The following TMEM232 variants were observed in gnomAD, a reference collection of about 807,000 sequenced individuals.
TMEM232 encodes the protein transmembrane protein 232.
TMEM232 carries 80 observed loss-of-function variants against 78.8 expected under a neutral mutation model. The ratio of observed to expected loss-of-function variants is 1.01; its 90% CI spans 0.85 to 1.22. The LOEUF (loss-of-function observed/expected upper bound fraction) is 1.22. TMEM232 is among the 50% of genes most tolerant of loss of function. TMEM232 has a pLI of 0.00. For missense variants in TMEM232, 881 were observed against 742.2 expected (o/e 1.19, Z -2.17); for synonymous variants, 297 against 254.3 (o/e 1.17, Z -1.60).
chr5:110,407,199 A>G (rs1399974961), intron 2 of TMEM232, among the ~76,000 whole-genome samples: 2 of 152,064 alleles, frequency 1.3e-5, no homozygotes, highest in East Asian at 1.9e-4. Context: ...TTAATTATCA[A>G]TAATAACACT....
chr5:110,582,402 A>T (rs1778309004), intron 10 of TMEM232, among the ~76,000 whole-genome samples: 1 of 151,946 alleles, frequency 6.6e-6, no homozygotes, highest in Non-Finnish European at 1.5e-5. Context: ...GCAAATTAAT[A>T]TAGGAACAGA....
upstream of TMEM232, among the ~76,000 whole-genome samples, chr5:110,728,525 A>G (rs938872774): frequency 6.6e-6 from 1 of 151,716 alleles, no homozygotes; most frequent in African/African-American, 2.4e-5. Flanking sequence ...GTATAACCTT[A>G]GAGTCACAAT....
intron 1 of TMEM232, among the ~76,000 whole-genome samples, chr5:110,682,054 T>C (rs778412994): frequency 3.3e-5 from 5 of 152,288 alleles, no homozygotes; most frequent in African/African-American, 1.2e-4. Context: ...TTTTTTACTT[T>C]GCAGTAAAAT....
intron 12 of TMEM232, among the ~76,000 whole-genome samples, chr5:110,521,728 T>G (rs1263952180): frequency 1.3e-5 from 2 of 152,196 alleles, no homozygotes; most frequent in Admixed American, 6.5e-5. Flanking sequence ...CTGTTATATA[T>G]TCTTGGAAAC....
rs1787660613 is a variant in TMEM232, at chr5:110,647,520, G to A, written c.126-5149C>T. On this transcript the variant is annotated intron_variant, in intron 2 of 13. Coordinates refer to ENST00000455884, the MANE Select transcript of TMEM232 (RefSeq NM_001039763.4). ...TTATTTTATTGTGTAAAAATATGAA[G>A]TTTTTTGTCGTGTTTTTATGTGTTT... Among the ~76,000 whole-genome samples, 5 of 151,768 alleles carry A rather than the reference G, an allele frequency of 3.3e-5. No individual in the cohort carries two copies. In the South Asian group the frequency reaches 8.3e-4, roughly 25 times the overall value.
chr5:110,719,886 G>A (rs76279467), intron 1 of TMEM232, among the ~76,000 whole-genome samples: 1 of 151,962 alleles, frequency 6.6e-6, no homozygotes, highest in East Asian at 1.9e-4. Context: ...TTACTCTATT[G>A]TTTTAAAAAA....
At chr5:110,440,582 G>C (rs1480845880) in intron 12 of TMEM232, among the ~76,000 whole-genome samples, 1 of 152,054 alleles carries the variant, frequency 6.6e-6, no homozygotes, top group East Asian at 1.9e-4. Context: ...AGTATCATTT[G>C]TTATCTCAAC....
chr5:110,672,319 A>G (rs192452147), intron 1 of TMEM232, among the ~76,000 whole-genome samples: 46 of 152,332 alleles, frequency 3.0e-4, no homozygotes, highest in Admixed American at 8.5e-4. Context: ...GCCCTGTTAA[A>G]GAAACTTCTC....
chr5:110,640,180 G>T (rs1399633178), intron 4 of TMEM232, among the ~76,000 whole-genome samples: 2 of 152,160 alleles, frequency 1.3e-5, no homozygotes, highest in African/African-American at 2.4e-5. Flanking sequence ...TCAGGCTGTG[G>T]ATGGCACTGT....
intron 12 of TMEM232, among the ~76,000 whole-genome samples, chr5:110,523,394 A>G (rs1222410005): frequency 6.6e-6 from 1 of 151,816 alleles, no homozygotes; most frequent in Admixed American, 6.6e-5. Flanking sequence ...TTCTGCTCTA[A>G]TCTTGTTATT....
intron 2 of TMEM232, among the ~76,000 whole-genome samples, chr5:110,646,518 AC>A (rs1787498526): frequency 6.6e-6 from 1 of 151,806 alleles, no homozygotes; most frequent in Non-Finnish European, 1.5e-5. Flanking sequence ...ACGTAATTAG[AC>A]CCTTATCCCA....
chr5:110,396,602 C>T (rs1464596371), intron 3 of TMEM232, among the ~76,000 whole-genome samples: 1 of 152,226 alleles, frequency 6.6e-6, no homozygotes, highest in Non-Finnish European at 1.5e-5. Context: ...GCACCCAGCA[C>T]CTATCTGAGG....
At chr5:110,620,579 C>CTA (rs1783515733) in intron 7 of TMEM232, among the ~76,000 whole-genome samples, 1 of 1,958 alleles carries the variant, frequency 5.1e-4, no homozygotes, top group Non-Finnish European at 3.8e-3. Flanking sequence ...TCTCTCATAT[C>CTA]TCTCTCTCTC....
intron 2 of TMEM232, among the ~76,000 whole-genome samples, chr5:110,656,127 T>C (rs1030141110): frequency 6.6e-6 from 1 of 152,126 alleles, no homozygotes; most frequent in Non-Finnish European, 1.5e-5. Context: ...CCTATGGCTG[T>C]TGCTGACAAC....
intron 11 of TMEM232, among the ~76,000 whole-genome samples, chr5:110,534,973 A>T (rs1772100214): frequency 6.6e-6 from 1 of 152,018 alleles, no homozygotes; most frequent in Admixed American, 6.6e-5. Context: ...CTCCCACTAT[A>T]AGTTCCCACA....
chr5:110,710,277 C>T (rs937438778), intron 1 of TMEM232, among the ~76,000 whole-genome samples: 3 of 151,858 alleles, frequency 2.0e-5, no homozygotes, highest in Non-Finnish European at 4.4e-5. Flanking sequence ...AAATGTCTTC[C>T]AGTGCAGGAC....
chr5:110,573,452 T>C (rs1777189843), intron 10 of TMEM232, among the ~76,000 whole-genome samples: 1 of 152,004 alleles, frequency 6.6e-6, no homozygotes, highest in South Asian at 2.1e-4. Flanking sequence ...AAACTAATGG[T>C]TGGACAAGAA....
At chr5:110,711,881 C>G (rs1169841592) in intron 1 of TMEM232, among the ~76,000 whole-genome samples, 1 of 151,858 alleles carries the variant, frequency 6.6e-6, no homozygotes, top group African/African-American at 2.4e-5. Context: ...CCGAGGTGGG[C>G]AGATCACGAA....
intron 12 of TMEM232, among the ~76,000 whole-genome samples, chr5:110,474,242 G>A (rs1209194744): frequency 2.0e-5 from 3 of 151,694 alleles, no homozygotes; most frequent in African/African-American, 7.3e-5. Context: ...ATGTCACATG[G>A]TACCCCATAA....
Sources: allele counts gnomAD v4.1 joint callset (sites outside exome capture counted in the v4.1 genomes callset), GRCh38; gene constraint gnomAD v4.1.1; transcripts MANE v1.5; gene names NCBI Gene and HGNC (gene_info 2026-07-23, HGNC 2026-07-21).